Variants in FHOD3 observed in about 807,000 individuals in gnomAD.
FHOD3 encodes the protein formin homology 2 domain containing 3, also known as FH1/FH2 domain-containing protein 3.
Under a neutral mutation model 173.0 loss-of-function variants are expected in FHOD3, and 90 were observed. That is an observed-to-expected ratio of 0.52 (90% CI 0.44 to 0.62). The LOEUF (loss-of-function observed/expected upper bound fraction) is 0.62. Ranked by LOEUF, FHOD3 falls within the 20% of genes least tolerant of loss-of-function variation. The pLI is 0.00. For synonymous variants in FHOD3, 828 were observed against 823.0 expected (o/e 1.01, Z -0.10); for missense variants, 1,945 against 2,034.7 (o/e 0.96, Z 0.85).
chr18:36,379,607 T>C (rs2047632415), intron 3 of FHOD3, among the ~76,000 whole-genome samples: 1 of 152,236 alleles, frequency 6.6e-6, no homozygotes, highest in Non-Finnish European at 1.5e-5. Flanking sequence ...GCCTGTAGCA[T>C]GTGTTACCAG....
chr18:36,320,348 A>G (rs1935544957), intron 1 of FHOD3, among the ~76,000 whole-genome samples: 1 of 152,230 alleles, frequency 6.6e-6, no homozygotes, highest in Non-Finnish European at 1.5e-5. Context: ...AGAGAATACT[A>G]TAAACACCTC....
chr18:36,545,003 T>C (rs911183494), intron 5 of FHOD3, among the ~76,000 whole-genome samples: 1 of 152,188 alleles, frequency 6.6e-6, no homozygotes, highest in Non-Finnish European at 1.5e-5. Flanking sequence ...GACTACCTGG[T>C]GTTGGCCATG....
intron 6 of FHOD3, among the ~76,000 whole-genome samples, chr18:36,584,311 G>A (rs1013007412): frequency 5.9e-5 from 9 of 152,114 alleles, no homozygotes; most frequent in Admixed American, 2.0e-4. Context: ...AAGTTATGGC[G>A]TGAAAGATTG....
At chr18:36,540,074 T>C (rs2057146676) in intron 5 of FHOD3, among the ~76,000 whole-genome samples, 1 of 152,198 alleles carries the variant, frequency 6.6e-6, no homozygotes, top group Non-Finnish European at 1.5e-5. Context: ...GATTCCTCGA[T>C]GACACACATA....
intron 1 of FHOD3, among the ~76,000 whole-genome samples, chr18:36,347,612 T>C (rs1262310570): frequency 2.0e-5 from 3 of 152,252 alleles, no homozygotes; most frequent in East Asian, 3.8e-4. Flanking sequence ...TCATAACCCA[T>C]ATATGCTGGA....
intron 2 of FHOD3, among the ~76,000 whole-genome samples, chr18:36,366,547 A>T (rs557882870): frequency 1.3e-5 from 2 of 152,318 alleles, no homozygotes; most frequent in East Asian, 3.9e-4. Flanking sequence ...AGGTTAAGTA[A>T]CTTGTCCAAG....
chr18:36,481,516 TC>T (rs1188602895), intron 3 of FHOD3, among the ~76,000 whole-genome samples: 1 of 150,940 alleles, frequency 6.6e-6, no homozygotes, highest in Non-Finnish European at 1.5e-5. Flanking sequence ...TTTCACCCCC[TC>T]CCCACCCAAG....
chr18:36,482,858 CAGAGAGAGAGAG>C (rs138052316), intron 3 of FHOD3, among the ~76,000 whole-genome samples: 38,211 of 129,996 alleles, frequency 0.29, 5,569 homozygotes, highest in Middle Eastern at 0.37. Flanking sequence ...CACACACACA[CAGAGAGAGAGAG>C]AGAGAGAGAG....
intron 3 of FHOD3, among the ~76,000 whole-genome samples, chr18:36,388,342 G>A (rs1276466064): frequency 6.6e-6 from 1 of 152,126 alleles, no homozygotes; most frequent in Admixed American, 6.5e-5. Flanking sequence ...CAGAAAATGG[G>A]TAAAATGTGT....
intron 1 of FHOD3, among the ~76,000 whole-genome samples, chr18:36,320,538 C>T (rs1487641074): frequency 6.6e-6 from 1 of 152,188 alleles, no homozygotes; most frequent in Admixed American, 6.5e-5. Flanking sequence ...GATTCACAGC[C>T]AAATTCTACC....
At chr18:36,398,559 G>A (rs1385032896) in intron 3 of FHOD3, among the ~76,000 whole-genome samples, 1 of 152,198 alleles carries the variant, frequency 6.6e-6, no homozygotes, top group Admixed American at 6.5e-5. Flanking sequence ...GAGGGGAGTG[G>A]AGCTGTTGTG....
chr18:36,408,031 C>T (rs951075425), intron 3 of FHOD3, among the ~76,000 whole-genome samples: 2 of 152,162 alleles, frequency 1.3e-5, no homozygotes, highest in Middle Eastern at 3.2e-3. Context: ...GTGGCCTTGG[C>T]TGCTCAACTT....
intron 3 of FHOD3, among the ~76,000 whole-genome samples, chr18:36,408,014 G>A (rs992766194): frequency 6.6e-6 from 1 of 152,282 alleles, no homozygotes; most frequent in Middle Eastern, 3.4e-3. Context: ...CTGAGGCTCA[G>A]GAGCGTGTGG....
At chr18:36,381,936 C>T (rs1342123159) in intron 3 of FHOD3, among the ~76,000 whole-genome samples, 1 of 152,146 alleles carries the variant, frequency 6.6e-6, no homozygotes, top group Admixed American at 6.5e-5. Context: ...AGTAGACTGT[C>T]ATTTTCAGGA....
intron 2 of FHOD3, among the ~76,000 whole-genome samples, chr18:36,365,261 A>G (rs896692417): frequency 8.5e-5 from 13 of 152,234 alleles, no homozygotes; most frequent in African/African-American, 3.1e-4. Flanking sequence ...AGAAAAAAAT[A>G]GTTTGGACTT....
intron 3 of FHOD3, among the ~76,000 whole-genome samples, chr18:36,438,815 T>C (rs187756091): frequency 4.1e-4 from 62 of 152,318 alleles, no homozygotes; most frequent in African/African-American, 1.4e-3. Context: ...ATCTTCCACA[T>C]TGGCACTTGA....
chr18:36,321,033 C>T (rs975745637), intron 1 of FHOD3, among the ~76,000 whole-genome samples: 1 of 151,992 alleles, frequency 6.6e-6, no homozygotes, highest in Non-Finnish European at 1.5e-5. Context: ...GGGGCCACAC[C>T]TCCAGTGTTC....
chr18:36,548,828 T>G (rs1001752410), intron 5 of FHOD3, among the ~76,000 whole-genome samples: 9 of 152,230 alleles, frequency 5.9e-5, no homozygotes, highest in African/African-American at 2.2e-4. Context: ...CCATACATGT[T>G]TTGGTGGACA....
chr18:36,618,310 G>GTTTTTT lies in FHOD3; in HGVS notation c.957+6215_957+6216insTTTTTT, dbSNP rs1465774220. ...CCATTTGGTAATGATGTTTTTTGGT[G>GTTTTTT]GTTTTTTTTTTTTTTTTTTTTTTGA... is the stretch of plus-strand genomic sequence containing the variant. On this transcript the variant is annotated intron_variant, in intron 9 of 28. Transcript: ENST00000590592. 6.5e-4 allele frequency among the ~76,000 whole-genome samples: 55 copies of GTTTTTT among 85,222 alleles called. 2 individuals carry two copies. The highest frequency in any genetic ancestry group is 1.3e-3 in the African/African-American group (33 of 24,674). The allele number at this position is 85,222 out of a possible 152,430, so 55.9% of individuals were successfully genotyped here.
Sources: allele counts gnomAD v4.1 joint callset (sites outside exome capture counted in the v4.1 genomes callset), GRCh38; gene constraint gnomAD v4.1.1; transcripts MANE v1.5; gene names NCBI Gene and HGNC (gene_info 2026-07-23, HGNC 2026-07-21).